SET: variants seen among roughly 807,000 people sequenced by gnomAD.
The protein encoded by SET is SET nuclear proto-oncogene.
In SET, 4 loss-of-function variants were observed where a neutral mutation model predicts 39.0. The observed-to-expected ratio is 0.10, with a 90% CI of 0.05 to 0.23. The LOEUF is 0.23. SET is among the 10% of genes least tolerant of loss of function. SET has a pLI of 1.00. For synonymous variants in SET, 114 were observed against 115.9 expected, an observed-to-expected ratio of 0.98 and a Z score of 0.11; for missense variants, 137 against 329.7, an observed-to-expected ratio of 0.42 and a Z score of 4.53.
upstream of SET, among the ~76,000 whole-genome samples, chr9:128,688,946 A>T (rs981213924): frequency 6.6e-6 from 1 of 151,262 alleles, no homozygotes; most frequent in Non-Finnish European, 1.5e-5. Flanking sequence ...GGCCGGGGGC[A>T]CCCGCGCCTC....
At chr9:128,694,305 T>C (rs1316471895) in intron 7 of SET, among the ~76,000 whole-genome samples, 2 of 152,142 alleles carry the variant, frequency 1.3e-5, no homozygotes, top group Non-Finnish European at 2.9e-5. Context: ...AGCCAGTACT[T>C]AGGCAATATA....
chr9:128,694,236 T>C (rs1287985781), intron 7 of SET, among the ~76,000 whole-genome samples, 194 bp downstream of exon 7: 1 of 149,870 alleles, frequency 6.7e-6, no homozygotes, highest in African/African-American at 2.4e-5. Flanking sequence ...TAGGTTTTTT[T>C]TGGTTTTTTT....
chr9:128,690,918 T>C (rs775262117), intron 1 of SET: 9 of 541,496 alleles, frequency 1.7e-5, no homozygotes, highest in Non-Finnish European at 3.0e-5. Flanking sequence ...CGGTCTGTTG[T>C]AGTGAAACTC....
intron 7 of SET, 144 bp downstream of exon 7, chr9:128,694,186 T>G: frequency 4.8e-6 from 4 of 833,012 alleles, no homozygotes; most frequent in Non-Finnish European, 7.0e-6. Context: ...GTTCAAGAAT[T>G]AAGGAAATGT....
At chr9:128,685,351 G>T, upstream of SET, 1 of 699,866 alleles carries the variant, frequency 1.4e-6, no homozygotes, top group Non-Finnish European at 2.5e-6. Context: ...GTGCTCTAGA[G>T]TGCATTTGTG....
At chr9:128,684,094 A>T in intron 1 of SET, 2 of 1,082,660 alleles carry the variant, frequency 1.8e-6, no homozygotes, top group Non-Finnish European at 2.7e-6. Context: ...CCCTCTTGAG[A>T]TGTGACCCCT....
At chr9:128,691,137 C>G (rs1309323884) in intron 1 of SET, 33 bp from the exon 2 acceptor site, 1 of 1,547,964 alleles carries the variant, frequency 6.5e-7, no homozygotes. Context: ...GTAAATTTAT[C>G]TTAGAATTAA....
intron 1 of SET, 45 bp downstream of exon 1, chr9:128,689,700 C>T (rs1315917312): frequency 2.6e-5 from 14 of 543,306 alleles, no homozygotes; most frequent in Non-Finnish European, 2.9e-5. Context: ...GCCATCTTCG[C>T]CGCCCGCCCC....
chr9:128,693,621 TTCCG>T lies in SET; in HGVS notation c.493-16_493-13del. 1 of 1,593,722 alleles carries T rather than the reference TTCCG, an allele frequency of 6.3e-7. No homozygotes were observed. Among genetic ancestry groups the T allele is most frequent in the Non-Finnish European group, 8.5e-7 (1 of 1,170,310 alleles). On this transcript the variant is annotated splice_polypyrimidine_tract_variant and intron_variant, in intron 5 of 7. Transcript: ENST00000322030. ...TATGGAGAGATTGTATCAAAAGCTC[TTCCG>T]GTATTCATTTAGGATTTGACGAAAC... is the stretch of plus-strand genomic sequence containing the variant.
rs1861677284 is a variant in SET at position 128,694,905 on chromosome 9, C to T, written c.*241C>T. ...GTTCGAAGTTCATTTTTATCCCTTC[C>T]TGTCTGAACAAAAACTGTATGGAAT... On this transcript the variant is annotated 3_prime_UTR_variant, in exon 8 of 8. Coordinates refer to ENST00000322030, the MANE Select transcript of SET (RefSeq NM_003011.4). The T allele has an allele frequency of 7.9e-6, 3 of 379,830 alleles. No individual in the cohort carries two copies. The highest frequency in any genetic ancestry group is 1.4e-5 in the Non-Finnish European group (3 of 214,206). 23.5% of individuals were successfully genotyped at this position (379,830 alleles called of 1,614,324 possible). A position where few individuals can be genotyped will look rare whatever the true frequency, so the allele number is the denominator to read the frequency against.
Position 128,689,361 on chromosome 9 carries a change from G to T in SET, c.-222G>T. ...CTCCCCTCCGCGAACAGGAGCCCGG[G>T]CCGGGGCCCGGCACGCCGCCCCAGC... On this transcript the variant is annotated 5_prime_UTR_variant, in exon 1 of 8. Coordinates refer to ENST00000322030, the MANE Select transcript of SET (RefSeq NM_003011.4). 9.6e-7 allele frequency: 1 copy of T among 1,038,172 alleles called. No individual in the cohort carries two copies. The highest frequency in any genetic ancestry group is 1.2e-6 in the Non-Finnish European group (1 of 855,876). The allele number at this position is 1,038,172 out of a possible 1,614,324, so 64.3% of individuals were successfully genotyped here. A position where few individuals can be genotyped will look rare whatever the true frequency, so the allele number is the denominator to read the frequency against.
chr9:128,690,827 A>G, intron 1 of SET: 1 of 269,252 alleles, frequency 3.7e-6, no homozygotes, highest in Non-Finnish European at 7.2e-6. Flanking sequence ...GTTCTCTTGC[A>G]AGTGTATAAT....
rs1639322918 is a variant in SET at position 128,695,472 on chromosome 9, A to G, written c.*808A>G. On this transcript the variant is annotated 3_prime_UTR_variant, in exon 8 of 8. Transcript: ENST00000322030. ...TCACTGGAAAGGAAAGATGATGCTC[A>G]GTTTTAAACGTTAAAAGTGTACAAG... The G allele has an allele frequency of 4.5e-6, 1 of 222,248 alleles. No homozygotes were observed. The highest frequency in any genetic ancestry group is 9.2e-6 in the Non-Finnish European group (1 of 108,572). The allele number at this position is 222,248 out of a possible 1,614,324, so 13.8% of individuals were successfully genotyped here.
At position 128,692,086 on chromosome 9, in the gene SET, G is replaced by T. The variant is rs1470639168; in HGVS notation, c.274+86G>T. On this transcript the variant is annotated intron_variant, in intron 3 of 7. Transcript: ENST00000322030. ...TGGTGAAGACTTAGTCCAGCATGCT[G>T]GGTTGCGTGCAACAAAGACAGGCTG... The T allele has an allele frequency of 8.7e-6, 13 of 1,501,262 alleles. No homozygotes were observed. In the Admixed American group the frequency reaches 1.7e-4, roughly 20 times the overall value. 93.0% of individuals were successfully genotyped at this position (1,501,262 alleles called of 1,614,324 possible).
intron 1 of SET, 84 bp downstream of exon 1, chr9:128,689,739 G>A (rs1475457773): frequency 1.9e-5 from 4 of 205,584 alleles, no homozygotes; most frequent in Non-Finnish European, 3.3e-5. Context: ...GGGGCCCGGG[G>A]CGCGCGCGGG....
At chr9:128,688,986 C>T (rs1027764416), upstream of SET, among the ~76,000 whole-genome samples, 3 of 151,518 alleles carry the variant, frequency 2.0e-5, no homozygotes, top group African/African-American at 7.3e-5. Flanking sequence ...CGGCCTGCCG[C>T]GCGCCAGTGT....
Position 128,689,563 on chromosome 9 carries a change from C to T in SET, c.-20C>T. 2.2e-6 allele frequency: 3 copies of T among 1,340,038 alleles called. No individual in the cohort carries two copies. The highest frequency in any genetic ancestry group is 2.9e-6 in the Non-Finnish European group (3 of 1,020,416). The allele number at this position is 1,340,038 out of a possible 1,614,324, so 83.0% of individuals were successfully genotyped here. On this transcript the variant is annotated 5_prime_UTR_variant, in exon 1 of 8. Coordinates refer to ENST00000322030, the MANE Select transcript of SET (RefSeq NM_003011.4). ...CTTCTCTCCCCCTCCCCGCTCCCCC[C>T]CCGACCGCGGAGCAGCACCATGTCG... is the stretch of plus-strand genomic sequence containing the variant.
At position 128,695,278 on chromosome 9, in the gene SET, C is replaced by CA. The variant is rs1861692754; in HGVS notation, c.*615dup. 4.5e-6 allele frequency: 1 copy of CA among 223,426 alleles called. No homozygotes were observed. The highest frequency in any genetic ancestry group is 2.2e-5 in the African/African-American group (1 of 44,916). The allele number at this position is 223,426 out of a possible 1,614,324, so 13.8% of individuals were successfully genotyped here. A position where few individuals can be genotyped will look rare whatever the true frequency, so the allele number is the denominator to read the frequency against. ...TGGCATGTTTAATTGTGATATTTGA[C>CA]AGACATCCTTGCAGTTTAAGATGAC... On this transcript the variant is annotated 3_prime_UTR_variant, in exon 8 of 8. Transcript: ENST00000322030.
chr9:128,688,352 G>T (rs1207304917), upstream of SET, among the ~76,000 whole-genome samples: 2 of 152,212 alleles, frequency 1.3e-5, no homozygotes, highest in African/African-American at 2.4e-5. Flanking sequence ...GCCCTCCTTA[G>T]TGGTTCAGAA....
Sources: gnomAD v4.1 joint callset for allele counts (sites outside exome capture counted in the v4.1 genomes callset) on GRCh38, gnomAD v4.1.1 for gene constraint, MANE v1.5 for transcripts, NCBI Gene and HGNC (gene_info 2026-07-23, HGNC 2026-07-21) for gene names.